Variants in NCALD observed in about 807,000 individuals in gnomAD.
The protein encoded by NCALD is neurocalcin delta, also known as neurocalcin-delta.
NCALD carries 10 observed loss-of-function variants against 18.6 expected under a neutral mutation model. The observed-to-expected ratio is 0.54, with a 90% CI of 0.33 to 0.91. The LOEUF (loss-of-function observed/expected upper bound fraction) is 0.91. Among genes scored for constraint, NCALD ranks in the 40% least tolerant of loss-of-function variants. The pLI is 0.03. For missense variants in NCALD, 184 were observed against 247.6 expected (o/e 0.74, Z 1.72); for synonymous variants, 88 against 87.4 (o/e 1.01, Z -0.04).
intron 4 of NCALD, among the ~76,000 whole-genome samples, chr8:101,879,483 A>C (rs938793652): frequency 1.8e-4 from 27 of 152,298 alleles, no homozygotes; most frequent in Middle Eastern, 3.4e-3. Context: ...TGAGTGTTAC[A>C]GCTCATAAAG....
intron 2 of NCALD, among the ~76,000 whole-genome samples, chr8:101,984,490 A>G (rs75503653): frequency 0.035 from 5,356 of 152,302 alleles, 288 homozygotes; most frequent in African/African-American, 0.12. Context: ...AGCAAAAAGC[A>G]TTTGCTTAAC....
intron 4 of NCALD, among the ~76,000 whole-genome samples, chr8:101,875,511 A>T (rs958397695): frequency 1.3e-5 from 2 of 151,958 alleles, no homozygotes; most frequent in African/African-American, 4.8e-5. Flanking sequence ...AGATATCTCG[A>T]TGGTTTTTGC....
intron 2 of NCALD, among the ~76,000 whole-genome samples, chr8:101,958,262 C>T (rs149696562): frequency 6.6e-6 from 1 of 152,148 alleles, no homozygotes; most frequent in Non-Finnish European, 1.5e-5. Flanking sequence ...GGTCAAATCA[C>T]ACAATTACAT....
At chr8:101,791,501 T>C (rs566701318), upstream of NCALD, among the ~76,000 whole-genome samples, 5 of 152,258 alleles carry the variant, frequency 3.3e-5, no homozygotes, top group Non-Finnish European at 5.9e-5. Flanking sequence ...TACATGGATA[T>C]ACTGAGACCA....
intron 1 of NCALD, among the ~76,000 whole-genome samples, chr8:101,753,150 C>T (rs1810729020): frequency 1.3e-5 from 2 of 152,154 alleles, no homozygotes; most frequent in Non-Finnish European, 2.9e-5. Flanking sequence ...ACATCCAGGG[C>T]ACCTTCAAAG....
intron 2 of NCALD, among the ~76,000 whole-genome samples, chr8:101,959,053 C>A (rs541680071): frequency 6.6e-6 from 1 of 152,168 alleles, no homozygotes; most frequent in Non-Finnish European, 1.5e-5. Context: ...TCCTCAGACC[C>A]CATTTATGTT....
At chr8:101,821,811 A>G (rs1813728431) in intron 4 of NCALD, among the ~76,000 whole-genome samples, 1 of 151,582 alleles carries the variant, frequency 6.6e-6, no homozygotes, top group African/African-American at 2.4e-5. Context: ...AAATTGGGGA[A>G]AAAAACCACT....
chr8:101,746,819 G>A (rs573113724), intron 1 of NCALD, among the ~76,000 whole-genome samples: 4 of 151,802 alleles, frequency 2.6e-5, no homozygotes, highest in South Asian at 2.1e-4. Flanking sequence ...TGACCTTATC[G>A]TTAGCTAAGG....
At chr8:101,796,204 C>T (rs1378829996) in intron 4 of NCALD, among the ~76,000 whole-genome samples, 2 of 152,174 alleles carry the variant, frequency 1.3e-5, no homozygotes, top group African/African-American at 4.8e-5. Context: ...TAATTTTCCC[C>T]CTTTCTGACT....
chr8:101,916,776 G>A (rs909770228), intron 2 of NCALD, among the ~76,000 whole-genome samples: 3 of 152,012 alleles, frequency 2.0e-5, no homozygotes, highest in Admixed American at 2.0e-4. Context: ...ATTATGTAAT[G>A]ATAAAAAGTT....
At chr8:101,880,520 C>G (rs368689892) in intron 4 of NCALD, among the ~76,000 whole-genome samples, 240 of 152,326 alleles carry the variant, frequency 1.6e-3, no homozygotes, top group East Asian at 7.3e-3. Context: ...GCCAAGGAGG[C>G]GCTGAGAGTG....
intron 2 of NCALD, among the ~76,000 whole-genome samples, chr8:101,938,563 G>T (rs1818844880): frequency 1.3e-5 from 2 of 152,092 alleles, no homozygotes; most frequent in Admixed American, 1.3e-4. Context: ...GCGAAGACAA[G>T]ATCAAAATTG....
At chr8:102,084,341 G>A (rs570963493) in intron 1 of NCALD, among the ~76,000 whole-genome samples, 8 of 152,156 alleles carry the variant, frequency 5.3e-5, no homozygotes, top group Non-Finnish European at 1.2e-4. Context: ...TTTGACTGAG[G>A]GGCATAAGGC....
intron 4 of NCALD, among the ~76,000 whole-genome samples, chr8:101,858,078 G>GT (rs1397573249): frequency 2.6e-5 from 4 of 152,062 alleles, no homozygotes; most frequent in Non-Finnish European, 5.9e-5. Context: ...CAAACTTCAT[G>GT]TTAAAAATGG....
rs777494593 is a variant in NCALD at position 102,000,854 on chromosome 8, G to A, written c.-157+19383C>T. On this transcript the variant is annotated intron_variant, in intron 2 of 6. Coordinates refer to the NCALD transcript ENST00000311028. ...GGAAAACTAACAAACAGAAAGGACA[G>A]CCACACCAAAACCCCATCTGTACGT... 4.6e-5 allele frequency among the ~76,000 whole-genome samples: 7 copies of A among 152,106 alleles called. No homozygotes were observed. The South Asian group carries it at 1.5e-3, about 32-fold the overall frequency.
At chr8:101,733,226 T>C (rs1356715268) in intron 1 of NCALD, among the ~76,000 whole-genome samples, 1 of 152,230 alleles carries the variant, frequency 6.6e-6, no homozygotes, top group Non-Finnish European at 1.5e-5. Flanking sequence ...CAAACATATG[T>C]ACAAGTGAGA....
chr8:101,829,730 A>C (rs1814090378), intron 4 of NCALD, among the ~76,000 whole-genome samples: 1 of 152,228 alleles, frequency 6.6e-6, no homozygotes. Flanking sequence ...GAACCTGACG[A>C]ATACCCTAAA....
intron 4 of NCALD, among the ~76,000 whole-genome samples, chr8:101,886,090 AC>A (rs1816665785): frequency 6.6e-6 from 1 of 152,180 alleles, no homozygotes; most frequent in African/African-American, 2.4e-5. Context: ...GGGAAAAAAA[AC>A]ATTAGATTTT....
intron 2 of NCALD, among the ~76,000 whole-genome samples, chr8:101,951,198 A>T (rs1356962690): frequency 6.6e-6 from 1 of 152,212 alleles, no homozygotes; most frequent in Non-Finnish European, 1.5e-5. Flanking sequence ...GCTAGAAAAA[A>T]CGATGAGGAC....
Sources: gnomAD v4.1 joint callset for allele counts (sites outside exome capture counted in the v4.1 genomes callset) on GRCh38, gnomAD v4.1.1 for gene constraint, MANE v1.5 for transcripts, NCBI Gene and HGNC (gene_info 2026-07-23, HGNC 2026-07-21) for gene names.